CCBE1: variants seen among roughly 807,000 people sequenced by gnomAD.
CCBE1 encodes collagen and calcium-binding EGF domain-containing protein 1.
Under a neutral mutation model 50.0 loss-of-function variants are expected in CCBE1, and 37 were observed. The ratio of observed to expected loss-of-function variants is 0.74; its 90% CI spans 0.57 to 0.97. CCBE1 has a LOEUF of 0.97. Ranked by LOEUF, CCBE1 falls within the 50% of genes least tolerant of loss-of-function variation. CCBE1 has a pLI of 0.00. For missense variants in CCBE1, 538 were observed against 523.8 expected (o/e 1.03, Z -0.26); for synonymous variants, 234 against 203.7 (o/e 1.15, Z -1.27).
At position 59,471,436 on chromosome 18, in the gene CCBE1, C is replaced by T. The variant is rs981078748; in HGVS notation, c.266-1829G>A. Reference sequence around the variant, plus strand: ...TCATATTCCCTCCATCTGGCCAATACAGTTATGATGATATTTTGGTGCGGT... The same window carrying T: ...TCATATTCCCTCCATCTGGCCAATATAGTTATGATGATATTTTGGTGCGGT... On this transcript the variant is annotated intron_variant, in intron 3 of 10. Coordinates refer to ENST00000439986, the MANE Select transcript of CCBE1 (RefSeq NM_133459.4). Among the ~76,000 whole-genome samples the T allele has an allele frequency of 2.6e-5, 4 of 152,196 alleles. No individual in the cohort carries two copies. In the South Asian group the frequency reaches 8.3e-4, roughly 32 times the overall value.
In CCBE1 at chr18:59,521,113, A is replaced by G. The variant is rs576989588; in HGVS notation, c.213-40875T>C. On this transcript the variant is annotated intron_variant, in intron 2 of 10. Coordinates refer to ENST00000439986, the MANE Select transcript of CCBE1 (RefSeq NM_133459.4). ...CTGGAATCATTAACCCTCACTGCCA[A>G]TAATCTCTTGTATTATATATTTGCA... 5.9e-5 allele frequency among the ~76,000 whole-genome samples: 9 copies of G among 152,348 alleles called. No homozygotes were observed. The South Asian group carries it at 1.7e-3, about 28-fold the overall frequency.
Position 59,481,935 on chromosome 18 carries a change from C to T in CCBE1, c.213-1697G>A, listed in dbSNP as rs183346055. On this transcript the variant is annotated intron_variant, in intron 2 of 10. Coordinates refer to ENST00000439986, the MANE Select transcript of CCBE1 (RefSeq NM_133459.4). Reference sequence around the variant, plus strand: ...TTAAGTTCTGGATACATGTGCAGCGCGTGCAGGTTACATAGGTATACGCCA... The same window carrying T: ...TTAAGTTCTGGATACATGTGCAGCGTGTGCAGGTTACATAGGTATACGCCA... Among the ~76,000 whole-genome samples the T allele has an allele frequency of 1.1e-4, 17 of 152,248 alleles. No individual in the cohort carries two copies. The East Asian group carries it at 1.4e-3, about 12-fold the overall frequency.
intron 2 of CCBE1, among the ~76,000 whole-genome samples, chr18:59,512,187 T>C (rs1287148692): frequency 6.6e-6 from 1 of 152,088 alleles, no homozygotes; most frequent in East Asian, 1.9e-4. Context: ...AAGTGCTGGG[T>C]AGAGAAGGGT....
intron 2 of CCBE1, among the ~76,000 whole-genome samples, chr18:59,520,362 GTTC>G (rs1236897358): frequency 6.6e-6 from 1 of 152,152 alleles, no homozygotes; most frequent in Non-Finnish European, 1.5e-5. Flanking sequence ...TTGGTTTGTA[GTTC>G]TTCTTGAAGA....
At chr18:59,438,209 A>T in intron 9 of CCBE1, 63 bp from the exon 10 acceptor site, 6 of 1,405,052 alleles carry the variant, frequency 4.3e-6, no homozygotes, top group Non-Finnish European at 6.1e-6. Context: ...AATAGTCTCT[A>T]TTTATACACC....
At chr18:59,516,259 A>T (rs1478294382) in intron 2 of CCBE1, among the ~76,000 whole-genome samples, 1 of 151,284 alleles carries the variant, frequency 6.6e-6, no homozygotes, top group East Asian at 1.9e-4. Context: ...TTTCTTATCA[A>T]CTCTGGAGAG....
intron 2 of CCBE1, among the ~76,000 whole-genome samples, chr18:59,696,106 A>G (rs1199415514): frequency 7.0e-6 from 1 of 143,858 alleles, no homozygotes; most frequent in Non-Finnish European, 1.5e-5. Flanking sequence ...ACATTTTTAG[A>G]AAGACTTTTT....
intron 2 of CCBE1, among the ~76,000 whole-genome samples, chr18:59,678,670 TTACAG>T (rs2054542995): frequency 6.6e-6 from 1 of 152,106 alleles, no homozygotes; most frequent in African/African-American, 2.4e-5. Context: ...GTAACAGGGA[TTACAG>T]GTGCCCACCA....
In CCBE1 at chr18:59,490,142, C is replaced by T. The variant is rs909783445; in HGVS notation, c.213-9904G>A. On this transcript the variant is annotated intron_variant, in intron 2 of 10. Transcript: ENST00000439986. ...GCTGGGATTACAAGTGCCCACCATG[C>T]CCAGCTAATTTTTTGTATTTTTAGT... 3.3e-5 allele frequency among the ~76,000 whole-genome samples: 5 copies of T among 151,922 alleles called. No homozygotes were observed. In the East Asian group the frequency reaches 9.7e-4, roughly 30 times the overall value.
At chr18:59,558,744 G>A (rs1356615775) in intron 2 of CCBE1, among the ~76,000 whole-genome samples, 1 of 152,082 alleles carries the variant, frequency 6.6e-6, no homozygotes, top group Non-Finnish European at 1.5e-5. Flanking sequence ...GCTTGCTTGT[G>A]CCCAGAGAAA....
intron 2 of CCBE1, among the ~76,000 whole-genome samples, chr18:59,606,819 T>A (rs1034479766): frequency 3.3e-5 from 5 of 152,246 alleles, no homozygotes; most frequent in Non-Finnish European, 7.3e-5. Context: ...TCTCACTACA[T>A]ATTTCGACAG....
chr18:59,458,600 A>G (rs949592830), intron 5 of CCBE1, among the ~76,000 whole-genome samples: 1 of 152,226 alleles, frequency 6.6e-6, no homozygotes, highest in Non-Finnish European at 1.5e-5. Flanking sequence ...AGTGAGATCC[A>G]GAGAGAGACA....
chr18:59,687,030 T>C (rs2144741351), intron 2 of CCBE1, among the ~76,000 whole-genome samples: 1 of 152,342 alleles, frequency 6.6e-6, no homozygotes, highest in Admixed American at 6.5e-5. Flanking sequence ...GTGGTCTAAG[T>C]GGGTTCCCAG....
chr18:59,500,935 A>G (rs1913589592), intron 2 of CCBE1, among the ~76,000 whole-genome samples: 1 of 152,210 alleles, frequency 6.6e-6, no homozygotes, highest in African/African-American at 2.4e-5. Flanking sequence ...CACCTCATAC[A>G]GAGCTCCTCT....
Position 59,434,727 on chromosome 18 carries a change from G to A in CCBE1, c.*1181C>T, listed in dbSNP as rs1910076841. 1.3e-5 allele frequency: 2 copies of A among 152,174 alleles called. No homozygotes were observed. Among genetic ancestry groups the A allele is most frequent in the African/African-American group, 4.8e-5 (2 of 41,436 alleles). 9.4% of individuals were successfully genotyped at this position (152,174 alleles called of 1,614,324 possible). On this transcript the variant is annotated 3_prime_UTR_variant, in exon 11 of 11. Transcript: ENST00000439986. Reference sequence around the variant, plus strand: ...AAATGAGAATAGGAAGGAAGTTTTTGCAAACAAGGAAAACCACTATTTTTT... The same window carrying A: ...AAATGAGAATAGGAAGGAAGTTTTTACAAACAAGGAAAACCACTATTTTTT...
chr18:59,608,918 G>C (rs1434324238), intron 2 of CCBE1, among the ~76,000 whole-genome samples: 1 of 152,120 alleles, frequency 6.6e-6, no homozygotes, highest in Non-Finnish European at 1.5e-5. Context: ...TCCAGTCTTT[G>C]CTCATCCATA....
At chr18:59,678,448 G>C (rs1405281527) in intron 2 of CCBE1, among the ~76,000 whole-genome samples, 1 of 152,188 alleles carries the variant, frequency 6.6e-6, no homozygotes, top group East Asian at 1.9e-4. Context: ...AAATGTCCAT[G>C]AAGACTAGAT....
chr18:59,549,157 G>C (rs117172874), intron 2 of CCBE1, among the ~76,000 whole-genome samples: 48 of 151,168 alleles, frequency 3.2e-4, no homozygotes, highest in Admixed American at 1.4e-3. Flanking sequence ...TTTTCACTTG[G>C]ATATATAGAC....
intron 2 of CCBE1, among the ~76,000 whole-genome samples, chr18:59,595,899 C>G (rs2053343776): frequency 6.6e-6 from 1 of 152,174 alleles, no homozygotes; most frequent in Admixed American, 6.5e-5. Flanking sequence ...TTGCTACCTC[C>G]AAGAAGTGAC....
Sources: allele counts gnomAD v4.1 joint callset (sites outside exome capture counted in the v4.1 genomes callset), GRCh38; gene constraint gnomAD v4.1.1; transcripts MANE v1.5; gene names NCBI Gene and HGNC (gene_info 2026-07-23, HGNC 2026-07-21).